Variants in KIAA1671 observed in about 807,000 individuals in gnomAD.
The protein encoded by KIAA1671 is uncharacterized protein KIAA1671.
A neutral mutation model predicts 131.2 loss-of-function variants in KIAA1671; 52 were observed. That is an observed-to-expected ratio of 0.40 (90% CI 0.32 to 0.50). The LOEUF is 0.50. Among genes scored for constraint, KIAA1671 ranks in the 20% least tolerant of loss-of-function variants. KIAA1671 has a pLI of 0.73. For synonymous variants in KIAA1671, 1,003 were observed against 961.6 expected, an observed-to-expected ratio of 1.04 and a Z score of -0.80; for missense variants, 2,360 against 2,364.2, an observed-to-expected ratio of 1.00 and a Z score of 0.04.
chr22:25,157,065 C>A (rs1414669834), intron 6 of KIAA1671, among the ~76,000 whole-genome samples: 1 of 152,080 alleles, frequency 6.6e-6, no homozygotes, highest in Non-Finnish European at 1.5e-5. Flanking sequence ...TTTAAGAATC[C>A]CTCCAAGAGG....
chr22:25,129,363 T>C (rs1280121410), intron 6 of KIAA1671, among the ~76,000 whole-genome samples: 2 of 151,832 alleles, frequency 1.3e-5, no homozygotes, highest in Non-Finnish European at 1.5e-5. Context: ...AAAAATTAGC[T>C]GGGCATGGTG....
intron 1 of KIAA1671, chr22:25,014,007 T>C (rs1407186038): frequency 6.6e-6 from 1 of 152,204 alleles, no homozygotes; most frequent in Admixed American, 6.5e-5. Context: ...TGATTCTGCA[T>C]ATATCCAAAG....
At chr22:25,152,928 AT>A (rs1031126470) in intron 6 of KIAA1671, among the ~76,000 whole-genome samples, 15 of 150,480 alleles carry the variant, frequency 1.0e-4, no homozygotes, top group East Asian at 3.9e-4. Context: ...TTTATTCCTG[AT>A]TTTTTTTTAA....
intron 6 of KIAA1671, among the ~76,000 whole-genome samples, chr22:25,127,004 ATG>A (rs1463454968): frequency 6.6e-6 from 1 of 152,084 alleles, no homozygotes; most frequent in African/African-American, 2.4e-5. Context: ...GTTTCCCCAT[ATG>A]TTTTTTAGAG....
chr22:25,053,558 G>A (rs1188174159), intron 6 of KIAA1671: 3 of 152,184 alleles, frequency 2.0e-5, no homozygotes, highest in African/African-American at 7.2e-5. Flanking sequence ...AGCATATGCT[G>A]GCTCATTTGG....
chr22:24,972,772 G>C (rs1418067983), intron 1 of KIAA1671, among the ~76,000 whole-genome samples: 2 of 152,206 alleles, frequency 1.3e-5, no homozygotes, highest in South Asian at 4.1e-4. Context: ...CAAGGATGCA[G>C]CAGGGTTCAG....
rs1037038110 is a variant in KIAA1671, at chr22:25,032,916, A to G, written c.1629+220A>G. On this transcript the variant is annotated intron_variant, in intron 4 of 12. Transcript: ENST00000358431. ...GTGTTAAATGCTGTTTACAAATGTTATCAGGCATTTTTTTTCTTCGCAAAG... is the reference window on the plus strand; with the variant it reads ...GTGTTAAATGCTGTTTACAAATGTTGTCAGGCATTTTTTTTCTTCGCAAAG... Among the ~76,000 whole-genome samples the G allele has an allele frequency of 6.0e-4, 91 of 152,304 alleles. 1 individual carries two copies. The highest frequency in any genetic ancestry group is 2.2e-3 in the African/African-American group (90 of 41,564).
intron 1 of KIAA1671, among the ~76,000 whole-genome samples, chr22:24,996,735 G>A (rs1924159995): frequency 6.6e-6 from 1 of 152,230 alleles, no homozygotes; most frequent in Non-Finnish European, 1.5e-5. Flanking sequence ...CCAGTCATTG[G>A]CTGTGGGAGT....
rs187948765 is a variant in KIAA1671, at chr22:25,066,568, G to A, written c.4530+17204G>A. 8.5e-4 allele frequency among the ~76,000 whole-genome samples: 130 copies of A among 152,328 alleles called. 1 individual carries two copies. Among genetic ancestry groups the A allele is most frequent in the Non-Finnish European group, 1.4e-3 (95 of 68,030 alleles). ...TCTTGGGAATTAAGTTCCAGCTGAT[G>A]AATTTTGGAGAAACACATACATTCA... On this transcript the variant is annotated intron_variant, in intron 6 of 12. Coordinates refer to ENST00000358431, the MANE Select transcript of KIAA1671 (RefSeq NM_001145206.2).
intron 1 of KIAA1671, among the ~76,000 whole-genome samples, chr22:24,997,605 C>A (rs1011353974): frequency 2.0e-5 from 3 of 151,880 alleles, no homozygotes; most frequent in African/African-American, 7.3e-5. Flanking sequence ...GGGTGAGGGG[C>A]AGGAGATGAG....
At chr22:25,184,051 G>A (rs1050954848) in intron 10 of KIAA1671, among the ~76,000 whole-genome samples, 6 of 152,208 alleles carry the variant, frequency 3.9e-5, no homozygotes, top group East Asian at 1.9e-4. Context: ...CTGTGAAAAC[G>A]GGGCTCTGGC....
chr22:24,981,090 T>TGTGTG lies in KIAA1671; in HGVS notation c.-208+28318_-208+28319insGTGTG, dbSNP rs1555949694. Among the ~76,000 whole-genome samples, 6 of 124,886 alleles carry TGTGTG rather than the reference T, an allele frequency of 4.8e-5. No homozygotes were observed. The East Asian group carries it at 1.2e-3, about 25-fold the overall frequency. 81.9% of individuals were successfully genotyped at this position (124,886 alleles called of 152,430 possible). On this transcript the variant is annotated intron_variant, in intron 1 of 12. Coordinates refer to ENST00000358431, the MANE Select transcript of KIAA1671 (RefSeq NM_001145206.2). ...TGTGTGTGTGTGTGTGTGTGTGTGT[T>TGTGTG]TTTACTGTATCTATTCTTATGGGTG...
intron 1 of KIAA1671, among the ~76,000 whole-genome samples, chr22:24,972,675 TTC>T (rs1284981384): frequency 6.8e-6 from 1 of 148,074 alleles, no homozygotes; most frequent in Non-Finnish European, 1.5e-5. Context: ...CCTTCCTTCC[TTC>T]CAGCTCTTTC....
intron 6 of KIAA1671, among the ~76,000 whole-genome samples, chr22:25,096,413 G>A (rs1930391495): frequency 6.6e-6 from 1 of 152,142 alleles, no homozygotes; most frequent in African/African-American, 2.4e-5. Context: ...ACGTAGGAGT[G>A]GACAGAGGTG....
At chr22:25,175,577 T>C (rs1253258788) in intron 8 of KIAA1671, 4 of 152,228 alleles carry the variant, frequency 2.6e-5, no homozygotes, top group Non-Finnish European at 5.9e-5. Context: ...AGGTGATATA[T>C]TCAGTTATTC....
At chr22:25,192,159 T>C (rs373975723) in intron 12 of KIAA1671, among the ~76,000 whole-genome samples, 1 of 152,140 alleles carries the variant, frequency 6.6e-6, no homozygotes, top group African/African-American at 2.4e-5. Flanking sequence ...TTGAGGAAAC[T>C]GAGGCTCAGA....
chr22:25,027,823 C>G (rs978481139), intron 2 of KIAA1671, 122 bp from the exon 3 acceptor site: 36 of 545,970 alleles, frequency 6.6e-5, no homozygotes, highest in Middle Eastern at 4.4e-4. Context: ...GTGAGGTCAG[C>G]AGAGGGCTGT....
intron 1 of KIAA1671, among the ~76,000 whole-genome samples, chr22:24,957,016 A>G (rs917927685): frequency 2.6e-5 from 4 of 152,074 alleles, no homozygotes; most frequent in Non-Finnish European, 5.9e-5. Context: ...AGGGCTCATG[A>G]TAGGATACTC....
chr22:25,105,062 T>C (rs1294375531), intron 6 of KIAA1671, among the ~76,000 whole-genome samples: 1 of 152,028 alleles, frequency 6.6e-6, no homozygotes, highest in Non-Finnish European at 1.5e-5. Flanking sequence ...CTCGCTCTGT[T>C]GCCCAGGCTG....
Sources: gnomAD v4.1 joint callset for allele counts (sites outside exome capture counted in the v4.1 genomes callset) on GRCh38, gnomAD v4.1.1 for gene constraint, MANE v1.5 for transcripts, NCBI Gene and HGNC (gene_info 2026-07-23, HGNC 2026-07-21) for gene names.